Variants in PARPBP observed in about 807,000 individuals in gnomAD.
PARPBP encodes PCNA-interacting partner.
A neutral mutation model predicts 50.0 loss-of-function variants in PARPBP; 52 were observed. That is an observed-to-expected ratio of 1.04 (90% confidence interval 0.83 to 1.31). The LOEUF is 1.31. PARPBP is among the 50% of genes most tolerant of loss of function. The pLI, the probability that PARPBP is intolerant of heterozygous loss-of-function variation, is 0.00. For synonymous variants in PARPBP, 244 were observed against 232.1 expected (o/e 1.05, Z -0.47); for missense variants, 697 against 672.0 (o/e 1.04, Z -0.41).
chr12:102,179,004 T>G (rs1889569246), intron 8 of PARPBP, among the ~76,000 whole-genome samples: 1 of 152,234 alleles, frequency 6.6e-6, no homozygotes, highest in South Asian at 2.1e-4. Context: ...TTTTTAGTTC[T>G]TGTTGTTTTG....
chr12:102,154,892 A>G (rs767007314), intron 4 of PARPBP: 3 of 449,206 alleles, frequency 6.7e-6, no homozygotes, highest in Non-Finnish European at 8.9e-6. Context: ...TTTGCCATCT[A>G]TTGTTTCTAA....
chr12:102,161,629 A>G (rs144952502), intron 4 of PARPBP, among the ~76,000 whole-genome samples: 3 of 152,246 alleles, frequency 2.0e-5, no homozygotes, highest in African/African-American at 7.2e-5. Flanking sequence ...AAGAAACGTT[A>G]TCAGAAAGTG....
Position 102,182,126 on chromosome 12 carries a change from G to A in PARPBP, c.1185-423G>A, listed in dbSNP as rs77275227. 2.0e-3 allele frequency among the ~76,000 whole-genome samples: 308 copies of A among 152,204 alleles called. 1 individual carries two copies. Among genetic ancestry groups the A allele is most frequent in the African/African-American group, 6.9e-3 (287 of 41,536 alleles). Reference sequence around the variant, plus strand: ...ACACATTCAGTAGAAACTGTGCCTCGAAATTTGAATTTGGATCTTTTCCTG... The same window carrying A: ...ACACATTCAGTAGAAACTGTGCCTCAAAATTTGAATTTGGATCTTTTCCTG... On this transcript the variant is annotated intron_variant, in intron 8 of 10. Transcript: ENST00000327680.
At chr12:102,169,715 C>T (rs568484657) in intron 6 of PARPBP, among the ~76,000 whole-genome samples, 1 of 152,244 alleles carries the variant, frequency 6.6e-6, no homozygotes, top group African/African-American at 2.4e-5. Context: ...GTCCTCATTG[C>T]TGCCAGAGTG....
intron 1 of PARPBP, among the ~76,000 whole-genome samples, chr12:102,121,481 C>T (rs1419226384): frequency 6.7e-6 from 1 of 150,108 alleles, no homozygotes; most frequent in East Asian, 2.0e-4. Context: ...ACTGTTTGTT[C>T]CTTTAGAAAA....
chr12:102,143,006 C>G (rs1484722899), intron 2 of PARPBP, among the ~76,000 whole-genome samples: 2 of 152,210 alleles, frequency 1.3e-5, no homozygotes, highest in Non-Finnish European at 2.9e-5. Flanking sequence ...AGAACCACTA[C>G]TCTCTTCAAA....
At chr12:102,171,362 A>G (rs1888711664) in intron 6 of PARPBP, among the ~76,000 whole-genome samples, 2 of 152,262 alleles carry the variant, frequency 1.3e-5, no homozygotes, top group South Asian at 4.2e-4. Flanking sequence ...TTGAGCTATG[A>G]TGCTACGATG....
intron 2 of PARPBP, among the ~76,000 whole-genome samples, chr12:102,133,990 A>C (rs1883241462): frequency 1.3e-5 from 2 of 152,068 alleles, no homozygotes; most frequent in African/African-American, 4.8e-5. Context: ...GCTTATAGCA[A>C]TAAACACCTA....
intron 1 of PARPBP, among the ~76,000 whole-genome samples, chr12:102,120,840 CGAAG>C (rs1880934876): frequency 6.6e-6 from 1 of 152,068 alleles, no homozygotes; most frequent in Non-Finnish European, 1.5e-5. Flanking sequence ...TTTTAAATAC[CGAAG>C]GACTACAGGT....
chr12:102,141,305 C>T (rs1393396971), intron 2 of PARPBP, among the ~76,000 whole-genome samples: 1 of 152,044 alleles, frequency 6.6e-6, no homozygotes. Flanking sequence ...AGGATTGCAA[C>T]CCCTGCTTTT....
In PARPBP at chr12:102,192,853, A is replaced by T. The variant is rs76385533; in HGVS notation, c.1264-2459A>T. On this transcript the variant is annotated intron_variant, in intron 9 of 10. Coordinates refer to ENST00000327680, the MANE Select transcript of PARPBP (RefSeq NM_017915.5). ...GGAACTTAATAAGTGGTAATTGATT[A>T]AAAAAAAAGAGATTTTTGTACAGGG... is the stretch of plus-strand genomic sequence containing the variant. 3.3e-4 allele frequency among the ~76,000 whole-genome samples: 50 copies of T among 150,486 alleles called. 1 individual carries two copies. The East Asian group carries it at 8.2e-3, about 25-fold the overall frequency.
intron 3 of PARPBP, 103 bp downstream of exon 3, chr12:102,148,566 C>T (rs996428065): frequency 7.7e-6 from 4 of 520,458 alleles, no homozygotes; most frequent in Non-Finnish European, 9.9e-6. Context: ...AATGTTTTTG[C>T]TTTGTGAATC....
intron 2 of PARPBP, among the ~76,000 whole-genome samples, chr12:102,124,428 G>T (rs927114308): frequency 2.0e-5 from 3 of 152,020 alleles, no homozygotes; most frequent in Non-Finnish European, 4.4e-5. Context: ...AATCTGCACC[G>T]GGATACTGGA....
chr12:102,135,469 C>T (rs776570806), intron 2 of PARPBP, among the ~76,000 whole-genome samples: 3 of 140,088 alleles, frequency 2.1e-5, no homozygotes, highest in African/African-American at 5.6e-5. Context: ...GGTGTGAACC[C>T]GGGAGGCAGA....
At chr12:102,164,719 T>C (rs761501959) in intron 5 of PARPBP, 111 bp downstream of exon 5, 5 of 832,390 alleles carry the variant, frequency 6.0e-6, no homozygotes, top group Non-Finnish European at 8.0e-6. Context: ...ATTTATGTTC[T>C]ACCTCTGTAT....
In PARPBP at chr12:102,175,598, A is replaced by T. The variant is rs748769015; in HGVS notation, c.937A>T (p.Ile313Phe). 15 of 1,613,476 alleles carry T rather than the reference A, an allele frequency of 9.3e-6. No homozygotes were observed. In the South Asian group the frequency reaches 1.6e-4, roughly 18 times the overall value. ...EEVAQDLDLR[I>F]KNIINSQEGV... is the part of the protein sequence containing the mutation. ...AGTTGCTCAGGATTTGGATTTGAGG[A>T]TTAAAAATATTATCAATTCTCAAGA... The change falls in exon 7 of 11, where the codon ATT becomes TTT. Residue 313 changes from isoleucine to phenylalanine, a missense_variant. Ile to Phe is a conservative substitution (Grantham distance 21). Coordinates refer to ENST00000327680, the MANE Select transcript of PARPBP (RefSeq NM_017915.5).
intron 9 of PARPBP, among the ~76,000 whole-genome samples, chr12:102,184,956 A>G (rs1377264542): frequency 1.3e-5 from 2 of 152,210 alleles, no homozygotes; most frequent in Admixed American, 1.3e-4. Flanking sequence ...CACAGAAAAT[A>G]TCTTGAAATG....
chr12:102,138,096 A>G (rs1042809587), intron 2 of PARPBP, among the ~76,000 whole-genome samples: 3 of 152,136 alleles, frequency 2.0e-5, no homozygotes, highest in Non-Finnish European at 4.4e-5. Flanking sequence ...TTCCACAATG[A>G]ATGAACTAGT....
chr12:102,194,900 T>C (rs1891130334), intron 9 of PARPBP, among the ~76,000 whole-genome samples: 2 of 151,684 alleles, frequency 1.3e-5, no homozygotes, highest in African/African-American at 2.4e-5. Flanking sequence ...CTATTTTTTT[T>C]CCAAGAGTGT....
Sources: gnomAD v4.1 joint callset for allele counts (sites outside exome capture counted in the v4.1 genomes callset) on GRCh38, gnomAD v4.1.1 for gene constraint, MANE v1.5 for transcripts, NCBI Gene and HGNC (gene_info 2026-07-23, HGNC 2026-07-21) for gene names.